Variants in ANO3 observed in about 807,000 individuals in gnomAD.
ANO3 encodes anoctamin-3.
In ANO3, 99 loss-of-function variants were observed where a neutral mutation model predicts 144.8. The observed-to-expected ratio is 0.68, with a 90% confidence interval of 0.58 to 0.81. ANO3 has a LOEUF of 0.81. ANO3 is among the 30% of genes least tolerant of loss of function. ANO3 has a pLI of 0.00. For missense variants in ANO3, 905 were observed against 1,202.2 expected (o/e 0.75, Z 3.66); for synonymous variants, 414 against 392.6 (o/e 1.05, Z -0.64).
At chr11:26,205,884 C>A (rs1056342436) in intron 1 of ANO3, among the ~76,000 whole-genome samples, 10 of 152,142 alleles carry the variant, frequency 6.6e-5, no homozygotes, top group African/African-American at 9.7e-5. Context: ...ATACAAAAGC[C>A]TTTTAAGAAA....
chr11:26,454,228 G>C (rs1434518939), intron 3 of ANO3, among the ~76,000 whole-genome samples: 3 of 152,086 alleles, frequency 2.0e-5, no homozygotes, highest in Non-Finnish European at 2.9e-5. Flanking sequence ...ACTAAAATCA[G>C]AGCAGAACTG....
chr11:26,558,901 C>T (rs1383773287), intron 13 of ANO3: 1 of 152,050 alleles, frequency 6.6e-6, no homozygotes, highest in Non-Finnish European at 1.5e-5. Context: ...GGACAATGCC[C>T]TATTTTCTCT....
At chr11:26,279,831 T>A (rs575928659) in intron 1 of ANO3, among the ~76,000 whole-genome samples, 1 of 152,178 alleles carries the variant, frequency 6.6e-6, no homozygotes, top group Non-Finnish European at 1.5e-5. Flanking sequence ...TTAAGATTAC[T>A]ACAGACCTAA....
chr11:26,297,007 A>G (rs1243457087), intron 1 of ANO3, among the ~76,000 whole-genome samples: 1 of 152,182 alleles, frequency 6.6e-6, no homozygotes, highest in Admixed American at 6.5e-5. Flanking sequence ...ACAGGTAGCC[A>G]CACCCAGGAT....
intron 4 of ANO3, among the ~76,000 whole-genome samples, chr11:26,484,182 A>C (rs2134093537): frequency 6.6e-6 from 1 of 152,290 alleles, no homozygotes; most frequent in African/African-American, 2.4e-5. Context: ...ACAGAGCATA[A>C]AAGTTTGGAA....
At chr11:26,288,992 A>T (rs772189876) in intron 1 of ANO3, among the ~76,000 whole-genome samples, 1 of 152,134 alleles carries the variant, frequency 6.6e-6, no homozygotes, top group African/African-American at 2.4e-5. Context: ...TTTCAGTGTG[A>T]CTTTACTCTA....
chr11:26,508,300 T>G (rs1861515906), intron 5 of ANO3, 38 bp downstream of exon 5: 5 of 1,545,974 alleles, frequency 3.2e-6, no homozygotes, highest in Non-Finnish European at 1.7e-6. Context: ...TGATAAAATG[T>G]GTTGGAACAG....
intron 12 of ANO3, among the ~76,000 whole-genome samples, chr11:26,550,490 T>C (rs11029607): frequency 0.052 from 7,961 of 152,004 alleles, 264 homozygotes; most frequent in Admixed American, 0.095. Context: ...TTGACTATTT[T>C]ATATACCTCA....
At chr11:26,300,188 C>CCATG (rs1854192240) in intron 1 of ANO3, among the ~76,000 whole-genome samples, 1 of 151,712 alleles carries the variant, frequency 6.6e-6, no homozygotes. Context: ...AGTGCGATGC[C>CCATG]CATGCAAGCA....
chr11:26,460,693 G>T (rs1266163049), intron 3 of ANO3, among the ~76,000 whole-genome samples: 1 of 111,506 alleles, frequency 9.0e-6, no homozygotes, highest in African/African-American at 2.9e-5. Context: ...TGAGTTATAG[G>T]AATTAAAGAA....
chr11:26,247,326 C>T (rs1852820020), intron 1 of ANO3, among the ~76,000 whole-genome samples: 1 of 152,182 alleles, frequency 6.6e-6, no homozygotes. Flanking sequence ...TCACAACGTG[C>T]TATAATATTT....
At chr11:26,249,895 C>T (rs1410362141) in intron 1 of ANO3, among the ~76,000 whole-genome samples, 4 of 152,122 alleles carry the variant, frequency 2.6e-5, no homozygotes, top group African/African-American at 7.2e-5. Flanking sequence ...CATACACTGT[C>T]GCAGGGATCT....
At chr11:26,435,893 T>C (rs1257707345) in intron 1 of ANO3, among the ~76,000 whole-genome samples, 1 of 152,250 alleles carries the variant, frequency 6.6e-6, no homozygotes, top group Non-Finnish European at 1.5e-5. Context: ...TTCTGTCATT[T>C]CAGTCAACTC....
chr11:26,423,176 C>A (rs1377559904), intron 1 of ANO3, among the ~76,000 whole-genome samples: 1 of 151,740 alleles, frequency 6.6e-6, no homozygotes, highest in African/African-American at 2.4e-5. Flanking sequence ...CCAAGAACTA[C>A]AAATCAATAG....
At chr11:26,276,234 G>A (rs1458527145) in intron 1 of ANO3, among the ~76,000 whole-genome samples, 2 of 152,024 alleles carry the variant, frequency 1.3e-5, no homozygotes, top group Non-Finnish European at 2.9e-5. Context: ...CGTTGCATAT[G>A]AGAAGAGTCA....
At chr11:26,529,723 A>G (rs556492756) in intron 7 of ANO3, among the ~76,000 whole-genome samples, 15 of 151,768 alleles carry the variant, frequency 9.9e-5, no homozygotes, top group South Asian at 6.2e-4. Context: ...GTGTTATTAA[A>G]CACAGCTATT....
intron 1 of ANO3, among the ~76,000 whole-genome samples, chr11:26,315,521 A>T (rs1854601356): frequency 6.6e-6 from 1 of 152,196 alleles, no homozygotes; most frequent in African/African-American, 2.4e-5. Context: ...AAGTATAATG[A>T]ACTAGAGATA....
chr11:26,541,859 A>G lies in ANO3; in HGVS notation c.1033-88A>G, dbSNP rs372672475. ...TTTGAAGCTTTCAATAAGTTGTTAA[A>G]TTATTCTGCAAGGGAAAATACAGTT... On this transcript the variant is annotated intron_variant, in intron 10 of 26. Transcript: ENST00000256737. 4.3e-5 allele frequency: 55 copies of G among 1,271,080 alleles called. No homozygotes were observed. The South Asian group carries it at 7.5e-4, about 17-fold the overall frequency. 78.7% of individuals were successfully genotyped at this position (1,271,080 alleles called of 1,614,324 possible). A position where few individuals can be genotyped will look rare whatever the true frequency, so the allele number is the denominator to read the frequency against.
chr11:26,434,041 T>G (rs1035608978), intron 1 of ANO3, among the ~76,000 whole-genome samples: 1 of 152,118 alleles, frequency 6.6e-6, no homozygotes. Context: ...TTTTTTTGGT[T>G]GTTAGGTGAT....
Sources: gnomAD v4.1 joint callset for allele counts (sites outside exome capture counted in the v4.1 genomes callset) on GRCh38, gnomAD v4.1.1 for gene constraint, MANE v1.5 for transcripts, NCBI Gene and HGNC (gene_info 2026-07-23, HGNC 2026-07-21) for gene names.